Variants in POC1B observed in about 807,000 individuals in gnomAD.
POC1B encodes POC1 centriolar protein homolog B.
POC1B carries 44 observed loss-of-function variants against 60.6 expected under a neutral mutation model. The observed-to-expected ratio is 0.73, with a 90% CI of 0.57 to 0.93. The LOEUF (loss-of-function observed/expected upper bound fraction) is 0.93, where lower values mean the gene tolerates loss of function less well. Among genes scored for constraint, POC1B ranks in the 40% least tolerant of loss-of-function variants. The pLI, the probability that POC1B is intolerant of heterozygous loss-of-function variation, is 0.00. For missense variants in POC1B, 555 were observed against 572.3 expected (o/e 0.97, Z 0.31); for synonymous variants, 180 against 198.9 (o/e 0.90, Z 0.80).
At chr12:89,448,005 G>A (rs1228195289) in intron 10 of POC1B, among the ~76,000 whole-genome samples, 1 of 152,016 alleles carries the variant, frequency 6.6e-6, no homozygotes, top group Non-Finnish European at 1.5e-5. Context: ...GAGAGAGAGA[G>A]AAACTGGAAG....
intron 10 of POC1B, among the ~76,000 whole-genome samples, chr12:89,452,773 T>C (rs568375444): frequency 6.6e-6 from 1 of 152,274 alleles, no homozygotes; most frequent in South Asian, 2.1e-4. Flanking sequence ...TTTACAGCTA[T>C]ACAGATTATC....
intron 9 of POC1B, 161 bp downstream of exon 9, chr12:89,466,609 A>T: frequency 1.7e-6 from 1 of 576,664 alleles, no homozygotes; most frequent in Non-Finnish European, 2.8e-6. Context: ...ACAAATATAA[A>T]ACTTTATTAC....
At chr12:89,464,633 A>T (rs930164212) in intron 9 of POC1B, among the ~76,000 whole-genome samples, 13 of 151,264 alleles carry the variant, frequency 8.6e-5, no homozygotes, top group Non-Finnish European at 4.4e-5. Flanking sequence ...GATTATAGGC[A>T]CGCGCCACCA....
intron 10 of POC1B, among the ~76,000 whole-genome samples, chr12:89,443,138 C>A (rs1274771802): frequency 1.3e-5 from 2 of 152,110 alleles, no homozygotes; most frequent in Non-Finnish European, 2.9e-5. Context: ...ACTTAGATTC[C>A]CACACAATAA....
intron 10 of POC1B, among the ~76,000 whole-genome samples, chr12:89,435,334 C>T (rs1273537540): frequency 2.6e-5 from 4 of 152,008 alleles, no homozygotes; most frequent in Non-Finnish European, 4.4e-5. Flanking sequence ...GTGCACACCA[C>T]CACACCCAGC....
chr12:89,472,199 G>A lies in POC1B; in HGVS notation c.529C>T (p.Gln177Ter). ...TIKIWDTTNK[Q>*]CVNNFSDSVG... ...GAATCTGAGAAGTTATTAACACATT[G>A]CTTATTTGTGGTATCCCAAATTTTA... The change falls in exon 5 of 12, where the codon CAA (glutamine) becomes TAA (stop). Residue 177 changes from glutamine to a stop codon, truncating the protein, a stop_gained. Coordinates refer to ENST00000313546, the MANE Select transcript of POC1B (RefSeq NM_172240.3). LOFTEE classifies it high-confidence loss of function. 6.2e-7 allele frequency: 1 copy of A among 1,601,020 alleles called. No individual in the cohort carries two copies. Among genetic ancestry groups the A allele is most frequent in the Non-Finnish European group, 8.6e-7 (1 of 1,168,760 alleles).
At chr12:89,511,995 A>C (rs1298152857) in intron 2 of POC1B, among the ~76,000 whole-genome samples, 1 of 152,196 alleles carries the variant, frequency 6.6e-6, no homozygotes. Context: ...TTGGGGCTGT[A>C]GTGAGCTGAG....
intron 11 of POC1B, among the ~76,000 whole-genome samples, chr12:89,421,607 A>G (rs1278132675): frequency 1.3e-5 from 2 of 152,178 alleles, no homozygotes; most frequent in African/African-American, 4.8e-5. Context: ...CACTTAGTGG[A>G]GAAGGGGAGG....
downstream of POC1B, among the ~76,000 whole-genome samples, chr12:89,414,846 G>A (rs574230666): frequency 5.3e-4 from 81 of 152,250 alleles, no homozygotes; most frequent in African/African-American, 1.6e-3. Flanking sequence ...GAATTCATGG[G>A]ACTAACAGCC....
Position 89,421,064 on chromosome 12 carries a change from T to C in POC1B, c.*89A>G. ...TGATAAATAGCACATGGTTGTGTTG[T>C]ATGGAGTATCTTGTACTACCTTCCT... is the stretch of plus-strand genomic sequence containing the variant. On this transcript the variant is annotated 3_prime_UTR_variant, in exon 12 of 12. Transcript: ENST00000313546. 3.1e-6 allele frequency: 3 copies of C among 960,076 alleles called. No homozygotes were observed. Among genetic ancestry groups the C allele is most frequent in the Non-Finnish European group, 1.5e-6 (1 of 645,246 alleles). 59.5% of individuals were successfully genotyped at this position (960,076 alleles called of 1,614,324 possible).
chr12:89,506,075 T>A (rs7299172), intron 2 of POC1B, among the ~76,000 whole-genome samples: 110,140 of 152,130 alleles, frequency 0.72, 39,973 homozygotes, highest in Middle Eastern at 0.82. Flanking sequence ...GACATAGTAG[T>A]TTTGAGATGC....
At position 89,499,923 on chromosome 12, in the gene POC1B, C is replaced by T. The variant is rs530446872; in HGVS notation, c.101-2581G>A. On this transcript the variant is annotated intron_variant, in intron 2 of 11. Coordinates refer to ENST00000313546, the MANE Select transcript of POC1B (RefSeq NM_172240.3). ...GCCAATGGCCGGGAAGTGTTGTTGG[C>T]GCACGCCTTCCAGATCGCAGCTCTT... is the stretch of plus-strand genomic sequence containing the variant. 3.9e-5 allele frequency among the ~76,000 whole-genome samples: 6 copies of T among 152,352 alleles called. No homozygotes were observed. The South Asian group carries it at 8.3e-4, about 21-fold the overall frequency.
chr12:89,412,623 G>A, the POC1B span, among the ~76,000 whole-genome samples: 1 of 150,980 alleles, frequency 6.6e-6, no homozygotes, highest in African/African-American at 2.4e-5. Flanking sequence ...GTTGCAGTGA[G>A]CCGAGATCGC....
chr12:89,478,631 G>A (rs1883207737), intron 4 of POC1B, among the ~76,000 whole-genome samples: 2 of 152,114 alleles, frequency 1.3e-5, no homozygotes, highest in Non-Finnish European at 2.9e-5. Flanking sequence ...AATGTAAGCT[G>A]AGAAAAATCT....
chr12:89,497,418 A>G (rs901106181), intron 2 of POC1B, 76 bp from the exon 3 acceptor site: 12 of 1,425,570 alleles, frequency 8.4e-6, no homozygotes, highest in Non-Finnish European at 1.2e-5. Context: ...AATGAGCAGC[A>G]TATCTAATAA....
intron 2 of POC1B, among the ~76,000 whole-genome samples, chr12:89,497,734 TGA>T (rs1187188373): frequency 1.3e-5 from 2 of 152,304 alleles, no homozygotes; most frequent in East Asian, 3.9e-4. Flanking sequence ...ATGTTTTTCC[TGA>T]GAGGGATGGA....
chr12:89,414,036 C>T, the POC1B span, among the ~76,000 whole-genome samples: 5 of 152,056 alleles, frequency 3.3e-5, no homozygotes, highest in Non-Finnish European at 4.4e-5. Context: ...GGATTACAGG[C>T]GCCCATCATC....
chr12:89,473,292 T>A (rs532493889), intron 4 of POC1B, among the ~76,000 whole-genome samples: 2 of 152,358 alleles, frequency 1.3e-5, no homozygotes, highest in East Asian at 3.9e-4. Flanking sequence ...CTAAAATTAA[T>A]TCTTTGTGAC....
intron 2 of POC1B, chr12:89,522,783 G>C (rs768622198): frequency 6.5e-7 from 1 of 1,535,492 alleles, no homozygotes; most frequent in East Asian, 2.3e-5. Context: ...TGACACTACT[G>C]TCAGCTCATG....
Sources: allele counts gnomAD v4.1 joint callset (sites outside exome capture counted in the v4.1 genomes callset), GRCh38; gene constraint gnomAD v4.1.1; transcripts MANE v1.5; gene names NCBI Gene and HGNC (gene_info 2026-07-23, HGNC 2026-07-21).